The following SLC25A21 variants were observed in gnomAD, a reference collection of about 807,000 sequenced individuals.
The protein encoded by SLC25A21 is solute carrier family 25 member 21.
SLC25A21 carries 47 observed loss-of-function variants against 43.8 expected under a neutral mutation model. The ratio of observed to expected loss-of-function variants is 1.07; its 90% CI spans 0.85 to 1.37. The LOEUF (loss-of-function observed/expected upper bound fraction) is 1.37, where lower values mean the gene tolerates loss of function less well. Among genes scored for constraint, SLC25A21 ranks in the 40% most tolerant of loss-of-function variants. The pLI is 0.00. For synonymous variants in SLC25A21, 131 were observed against 121.3 expected (o/e 1.08, Z -0.52); for missense variants, 352 against 350.2 (o/e 1.00, Z -0.04).
At chr14:36,940,306 G>A (rs1359218667) in intron 1 of SLC25A21, among the ~76,000 whole-genome samples, 7 of 151,804 alleles carry the variant, frequency 4.6e-5, no homozygotes, top group Non-Finnish European at 7.4e-5. Context: ...ATGACACTAT[G>A]TTTATTCCAA....
chr14:36,767,838 G>T (rs1177386398), intron 3 of SLC25A21, among the ~76,000 whole-genome samples: 1 of 152,198 alleles, frequency 6.6e-6, no homozygotes, highest in Non-Finnish European at 1.5e-5. Context: ...CTGCTGGGAG[G>T]TGATAAATAA....
chr14:36,924,450 C>T (rs937698586), intron 1 of SLC25A21, among the ~76,000 whole-genome samples: 2 of 152,038 alleles, frequency 1.3e-5, no homozygotes, highest in African/African-American at 2.4e-5. Flanking sequence ...ACTGCATGTT[C>T]TCACTCATAG....
At chr14:36,776,522 G>A (rs1033393026) in intron 3 of SLC25A21, among the ~76,000 whole-genome samples, 2 of 151,754 alleles carry the variant, frequency 1.3e-5, no homozygotes, top group Non-Finnish European at 2.9e-5. Flanking sequence ...GATTACAAGC[G>A]TGAGCCACCG....
chr14:36,800,330 T>C (rs1208030402), intron 3 of SLC25A21, among the ~76,000 whole-genome samples: 3 of 152,176 alleles, frequency 2.0e-5, no homozygotes, highest in African/African-American at 7.2e-5. Context: ...AAGGGTCCAC[T>C]GACACCTGGA....
chr14:36,828,739 G>T (rs1165375384), intron 2 of SLC25A21: 1 of 152,356 alleles, frequency 6.6e-6, no homozygotes, highest in Non-Finnish European at 1.5e-5. Context: ...GGTTCCTCCT[G>T]GTCCTCGTTC....
intron 1 of SLC25A21, among the ~76,000 whole-genome samples, chr14:36,959,417 G>C (rs1308126554): frequency 1.3e-5 from 2 of 152,152 alleles, no homozygotes; most frequent in African/African-American, 4.8e-5. Flanking sequence ...CCCACTGACT[G>C]CAGGTGGAGG....
Position 36,895,023 on chromosome 14 carries a change from A to C in SLC25A21, c.71-20019T>G, listed in dbSNP as rs558275109. Among the ~76,000 whole-genome samples the C allele has an allele frequency of 3.5e-3, 539 of 152,310 alleles. 5 individuals are homozygous for C. The highest frequency in any genetic ancestry group is 0.012 in the African/African-American group (506 of 41,568). On this transcript the variant is annotated intron_variant, in intron 1 of 9. Coordinates refer to ENST00000331299, the MANE Select transcript of SLC25A21 (RefSeq NM_030631.4). ...TCTCTTTTTTGGTTGTGTCTCTGCC[A>C]GGCTTTGGTATCAGGATGATGCTGG...
At chr14:36,762,685 C>T (rs1886205698) in intron 3 of SLC25A21, among the ~76,000 whole-genome samples, 1 of 152,144 alleles carries the variant, frequency 6.6e-6, no homozygotes, top group Non-Finnish European at 1.5e-5. Flanking sequence ...GCTGTGTCAC[C>T]TTGGGGACAT....
Position 36,679,937 on chromosome 14 carries a change from T to A in SLC25A21, c.*721A>T. The A allele has an allele frequency of 1.1e-6, 1 of 905,444 alleles. No individual in the cohort carries two copies. Among genetic ancestry groups the A allele is most frequent in the Non-Finnish European group, 1.3e-6 (1 of 763,670 alleles). The allele number at this position is 905,444 out of a possible 1,614,324, so 56.1% of individuals were successfully genotyped here. On this transcript the variant is annotated 3_prime_UTR_variant, in exon 10 of 10. Coordinates refer to ENST00000331299, the MANE Select transcript of SLC25A21 (RefSeq NM_030631.4). ...TTAGAAGAGATTTGGAATACCTTGA[T>A]TTAAACATGCTTAAACAACAGTGTT...
chr14:37,132,902 T>G (rs1349284123), intron 1 of SLC25A21, among the ~76,000 whole-genome samples: 2 of 151,918 alleles, frequency 1.3e-5, no homozygotes, highest in Non-Finnish European at 2.9e-5. Flanking sequence ...AGCTAATTTT[T>G]GTATTTTTTT....
chr14:36,825,001 A>T (rs1272711583), intron 2 of SLC25A21, among the ~76,000 whole-genome samples: 1 of 152,122 alleles, frequency 6.6e-6, no homozygotes, highest in Non-Finnish European at 1.5e-5. Context: ...ACATCTTTGT[A>T]GGAGGTTTCA....
At chr14:36,921,249 C>T (rs1309555638) in intron 1 of SLC25A21, among the ~76,000 whole-genome samples, 1 of 152,094 alleles carries the variant, frequency 6.6e-6, no homozygotes, top group Non-Finnish European at 1.5e-5. Context: ...ATATTCTGTA[C>T]CATACTCAAA....
At chr14:36,888,576 T>C (rs1225622279) in intron 1 of SLC25A21, among the ~76,000 whole-genome samples, 1 of 152,092 alleles carries the variant, frequency 6.6e-6, no homozygotes, top group Non-Finnish European at 1.5e-5. Flanking sequence ...ATGTGAGATA[T>C]GTAATGTGTC....
In SLC25A21 at chr14:36,853,757, C is replaced by A. The variant is rs556349361; in HGVS notation, c.119+21199G>T. 9.2e-5 allele frequency among the ~76,000 whole-genome samples: 14 copies of A among 152,288 alleles called. No homozygotes were observed. The East Asian group carries it at 2.7e-3, about 29-fold the overall frequency. ...ATGCCACAGCTTTTTAATGGTCTGACCCCTGGGACTTTCATCAGCCAACAC... is the reference window on the plus strand; with the variant it reads ...ATGCCACAGCTTTTTAATGGTCTGAACCCTGGGACTTTCATCAGCCAACAC... On this transcript the variant is annotated intron_variant, in intron 2 of 9. Coordinates refer to ENST00000331299, the MANE Select transcript of SLC25A21 (RefSeq NM_030631.4).
chr14:36,898,430 G>A (rs550212189), intron 1 of SLC25A21, among the ~76,000 whole-genome samples: 1 of 152,172 alleles, frequency 6.6e-6, no homozygotes, highest in Non-Finnish European at 1.5e-5. Context: ...GGTGCCGTCT[G>A]TCACCCCTTT....
chr14:36,861,804 A>C (rs1890072349), intron 2 of SLC25A21, among the ~76,000 whole-genome samples: 1 of 152,244 alleles, frequency 6.6e-6, no homozygotes, highest in Non-Finnish European at 1.5e-5. Context: ...ATAGACACTG[A>C]AAATAGGCAT....
At chr14:36,816,500 T>TC (rs1888460933) in intron 2 of SLC25A21, among the ~76,000 whole-genome samples, 1 of 130,500 alleles carries the variant, frequency 7.7e-6, no homozygotes, top group Non-Finnish European at 1.5e-5. Flanking sequence ...TTCTCCTCTT[T>TC]TTTTTTTTTT....
At chr14:36,734,405 T>G in intron 4 of SLC25A21, 102 bp downstream of exon 4, 1 of 718,372 alleles carries the variant, frequency 1.4e-6, no homozygotes, top group Non-Finnish European at 2.1e-6. Flanking sequence ...TTAAAATTTT[T>G]AGTGCTTTAT....
intron 1 of SLC25A21, among the ~76,000 whole-genome samples, chr14:36,891,559 T>G (rs1171751298): frequency 2.6e-5 from 4 of 152,138 alleles, no homozygotes; most frequent in African/African-American, 9.7e-5. Context: ...ATAGGCAACA[T>G]GCAACACAAT....
Sources: allele counts gnomAD v4.1 joint callset (sites outside exome capture counted in the v4.1 genomes callset), GRCh38; gene constraint gnomAD v4.1.1; transcripts MANE v1.5; gene names NCBI Gene and HGNC (gene_info 2026-07-23, HGNC 2026-07-21).